IL1RAPL1: variants seen among roughly 807,000 people sequenced by gnomAD.
IL1RAPL1 encodes interleukin 1 receptor accessory protein like 1, also known as interleukin-1 receptor accessory protein-like 1.
In IL1RAPL1, 3 loss-of-function variants were observed where a neutral mutation model predicts 48.4. That is an observed-to-expected ratio of 0.06 (90% CI 0.03 to 0.16). IL1RAPL1 has a LOEUF of 0.16. IL1RAPL1 is among the 10% of genes least tolerant of loss of function. IL1RAPL1 has a pLI of 1.00. For missense variants in IL1RAPL1, 349 were observed against 530.6 expected (o/e 0.66, Z 3.36); for synonymous variants, 185 against 187.7 (o/e 0.99, Z 0.12).
chrX:29,372,212 C>G (rs1933555086), intron 3 of IL1RAPL1, among the ~76,000 whole-genome samples: 1 of 111,910 alleles, frequency 8.9e-6, no homozygotes, highest in South Asian at 3.6e-4. Context: ...TTGTTGGTTG[C>G]TTGTATGTCT....
intron 2 of IL1RAPL1, among the ~76,000 whole-genome samples, chrX:28,904,029 G>GT (rs766756458): frequency 4.9e-4 from 54 of 110,094 alleles, no homozygotes; most frequent in African/African-American, 1.3e-3. Context: ...TACAGTTATA[G>GT]TTTTTTTAAC....
intron 6 of IL1RAPL1, among the ~76,000 whole-genome samples, chrX:29,714,651 A>C (rs1927435242): frequency 8.9e-6 from 1 of 111,751 alleles, no homozygotes; most frequent in African/African-American, 3.2e-5. Context: ...ACCTATTAAA[A>C]ACCCCATTTT....
At chrX:29,072,708 TATCTC>T (rs1193202671) in intron 2 of IL1RAPL1, among the ~76,000 whole-genome samples, 2 of 111,984 alleles carry the variant, frequency 1.8e-5, no homozygotes, top group Non-Finnish European at 3.8e-5. Flanking sequence ...TAGTCTAAAT[TATCTC>T]AGCTTGGTTA....
intron 1 of IL1RAPL1, among the ~76,000 whole-genome samples, chrX:28,749,239 T>C (rs939406931): frequency 8.9e-6 from 1 of 112,148 alleles, no homozygotes; most frequent in African/African-American, 3.2e-5. Flanking sequence ...CAGATATCTC[T>C]TTGACGTACT....
At chrX:28,599,735 C>T (rs1933999307) in intron 1 of IL1RAPL1, among the ~76,000 whole-genome samples, 1 of 111,763 alleles carries the variant, frequency 8.9e-6, no homozygotes, top group African/African-American at 3.3e-5. Context: ...GCTTATGGAC[C>T]AGTGGGAAAG....
At chrX:29,773,093 C>G (rs763525267) in intron 6 of IL1RAPL1, among the ~76,000 whole-genome samples, 6 of 112,182 alleles carry the variant, frequency 5.3e-5, no homozygotes, top group Non-Finnish European at 1.1e-4. Context: ...AACTCTTAAC[C>G]TACAACTTCA....
In IL1RAPL1 at chrX:28,893,316, AGTTGTGTTTTTAAAAG is replaced by A. The variant is rs753040243; in HGVS notation, c.82+103892_82+103907del. Reference sequence around the variant, plus strand: ...TTTAAGTTGGTGGCTGAGCTTGGTGAGTTGTGTTTTTAAAAGACCATTAGTTCACTGAATACTAAGA... The same window carrying A: ...TTTAAGTTGGTGGCTGAGCTTGGTGAACCATTAGTTCACTGAATACTAAGA... On this transcript the variant is annotated intron_variant, in intron 2 of 10. Transcript: ENST00000378993. Among the ~76,000 whole-genome samples, 834 of 110,990 alleles carry A rather than the reference AGTTGTGTTTTTAAAAG, an allele frequency of 7.5e-3. 7 individuals carry two copies. Among genetic ancestry groups the A allele is most frequent in the African/African-American group, 0.026 (795 of 30,441 alleles).
At chrX:28,606,503 GTAAAGA>G (rs1470244771) in intron 1 of IL1RAPL1, among the ~76,000 whole-genome samples, 7 of 111,972 alleles carry the variant, frequency 6.3e-5, no homozygotes, top group African/African-American at 2.3e-4. Context: ...TGCTCATCTA[GTAAAGA>G]TAAAGATATG....
Position 29,911,935 on chromosome X carries a change from T to C in IL1RAPL1, c.779-5529T>C, listed in dbSNP as rs146157024. On this transcript the variant is annotated intron_variant, in intron 6 of 10. Coordinates refer to ENST00000378993, the MANE Select transcript of IL1RAPL1 (RefSeq NM_014271.4). ...TTAAACATATAGTTGAGAAGAGATG[T>C]GCAGTAGTACACTATTGTATAGTAT... 8.1e-3 allele frequency among the ~76,000 whole-genome samples: 906 copies of C among 112,180 alleles called. 10 individuals are homozygous for C. The highest frequency in any genetic ancestry group is 0.027 in the African/African-American group (843 of 30,904).
In IL1RAPL1 at chrX:29,194,812, A is replaced by T. The variant is rs186136209; in HGVS notation, c.83-88126A>T. On this transcript the variant is annotated intron_variant, in intron 2 of 10. Transcript: ENST00000378993. ...GCATATCTTTTTTCTCACATGCCCC[A>T]CAGTTCCTTTACCAGAGGAAATGTT... 3.4e-4 allele frequency among the ~76,000 whole-genome samples: 38 copies of T among 111,338 alleles called. No homozygotes were observed. In the East Asian group the frequency reaches 0.01, roughly 31 times the overall value.
intron 5 of IL1RAPL1, among the ~76,000 whole-genome samples, chrX:29,424,405 C>T (rs1336104725): frequency 9.1e-6 from 1 of 110,283 alleles, no homozygotes; most frequent in Non-Finnish European, 1.9e-5. Flanking sequence ...AATCCTAAAG[C>T]CAGTATAGTC....
chrX:28,846,928 G>C (rs1921524117), intron 2 of IL1RAPL1, among the ~76,000 whole-genome samples: 1 of 111,298 alleles, frequency 9.0e-6, no homozygotes, highest in Admixed American at 9.5e-5. Flanking sequence ...CAGTATCATG[G>C]CTTTAAATAC....
chrX:29,029,739 G>A (rs770920007), intron 2 of IL1RAPL1, among the ~76,000 whole-genome samples: 2 of 111,596 alleles, frequency 1.8e-5, no homozygotes, highest in Non-Finnish European at 3.8e-5. Context: ...AAAAAGGTTT[G>A]ATTATAAAGT....
At chrX:28,800,165 C>A (rs1936656806) in intron 2 of IL1RAPL1, among the ~76,000 whole-genome samples, 1 of 111,749 alleles carries the variant, frequency 8.9e-6, no homozygotes, top group Admixed American at 9.5e-5. Context: ...GTAGCTGCTA[C>A]CATCTTCACA....
chrX:29,748,655 G>A (rs1928390440), intron 6 of IL1RAPL1, among the ~76,000 whole-genome samples: 1 of 113,014 alleles, frequency 8.8e-6, no homozygotes, highest in African/African-American at 3.2e-5. Flanking sequence ...CCAAAACCTA[G>A]GTTTTTGGCC....
At chrX:28,822,308 G>T (rs1405729014) in intron 2 of IL1RAPL1, among the ~76,000 whole-genome samples, 2 of 111,433 alleles carry the variant, frequency 1.8e-5, no homozygotes, top group Non-Finnish European at 3.8e-5. Flanking sequence ...GCGTGTTTTT[G>T]TGCAGCCCAC....
intron 2 of IL1RAPL1, among the ~76,000 whole-genome samples, chrX:29,025,556 C>T (rs1926466038): frequency 9.0e-6 from 1 of 111,319 alleles, no homozygotes; most frequent in African/African-American, 3.3e-5. Context: ...ATTATTTAAT[C>T]ATTAAATACT....
intron 6 of IL1RAPL1, among the ~76,000 whole-genome samples, chrX:29,858,955 T>C (rs1931527087): frequency 9.0e-6 from 1 of 111,056 alleles, no homozygotes; most frequent in Non-Finnish European, 1.9e-5. Context: ...CTCTGCAGCA[T>C]TGGGCACTGT....
intron 1 of IL1RAPL1, among the ~76,000 whole-genome samples, chrX:28,686,389 C>T (rs753759880): frequency 4.1e-4 from 46 of 112,071 alleles, no homozygotes; most frequent in Non-Finnish European, 6.8e-4. Flanking sequence ...TCTTCTGTCT[C>T]TTTCGATTTT....
Sources: allele counts gnomAD v4.1 joint callset (sites outside exome capture counted in the v4.1 genomes callset), GRCh38; gene constraint gnomAD v4.1.1; transcripts MANE v1.5; gene names NCBI Gene and HGNC (gene_info 2026-07-23, HGNC 2026-07-21).